The following ROBO1 variants were observed in gnomAD, a reference collection of about 807,000 sequenced individuals.
The protein encoded by ROBO1 is roundabout homolog 1.
ROBO1 carries 149 observed loss-of-function variants against 195.9 expected under a neutral mutation model. That is an observed-to-expected ratio of 0.76 (90% confidence interval 0.67 to 0.87). The LOEUF (loss-of-function observed/expected upper bound fraction) is 0.87, where lower values mean the gene tolerates loss of function less well. Among genes scored for constraint, ROBO1 ranks in the 40% least tolerant of loss-of-function variants. The probability of loss-of-function intolerance (pLI) is 0.00; values close to 1 mark genes in which losing one functional copy is unlikely to be tolerated. For missense variants in ROBO1, 1,933 were observed against 2,068.3 expected, an observed-to-expected ratio of 0.93 and a Z score of 1.27; for synonymous variants, 816 against 733.2, an observed-to-expected ratio of 1.11 and a Z score of -1.82.
intron 4 of ROBO1, among the ~76,000 whole-genome samples, chr3:78,887,539 G>C (rs113295764): frequency 8.5e-4 from 130 of 152,230 alleles, no homozygotes; most frequent in African/African-American, 2.9e-3. Context: ...ACATATTTCA[G>C]AAAAACAAAA....
At chr3:79,547,243 T>A (rs1434607221) in intron 2 of ROBO1, among the ~76,000 whole-genome samples, 2 of 137,618 alleles carry the variant, frequency 1.5e-5, no homozygotes, top group African/African-American at 5.4e-5. Flanking sequence ...AAACTGAAGC[T>A]GTTTAGAATA....
intron 4 of ROBO1, among the ~76,000 whole-genome samples, chr3:78,840,248 G>A (rs2033087288): frequency 6.6e-6 from 1 of 152,090 alleles, no homozygotes; most frequent in Admixed American, 6.6e-5. Flanking sequence ...AAAACAAAAT[G>A]CTGCGATTTG....
intron 4 of ROBO1, among the ~76,000 whole-genome samples, chr3:78,751,798 T>C (rs17016516): frequency 0.026 from 3,930 of 152,280 alleles, 88 homozygotes; most frequent in Middle Eastern, 0.065. Context: ...TTTTTATCAA[T>C]GCTTCCTTTT....
At chr3:79,093,075 C>G (rs193211398) in intron 3 of ROBO1, among the ~76,000 whole-genome samples, 1 of 152,224 alleles carries the variant, frequency 6.6e-6, no homozygotes, top group East Asian at 1.9e-4. Context: ...CACATGTGTA[C>G]TAATACATGC....
chr3:79,183,329 C>A (rs1475208949), intron 2 of ROBO1, among the ~76,000 whole-genome samples: 1 of 152,122 alleles, frequency 6.6e-6, no homozygotes, highest in Non-Finnish European at 1.5e-5. Context: ...AGAGGGAACT[C>A]TGGCAGTAGA....
At position 79,672,929 on chromosome 3, in the gene ROBO1, T is replaced by G. The variant is rs145825099; in HGVS notation, c.-50-82968A>C. Among the ~76,000 whole-genome samples, 498 of 152,084 alleles carry G rather than the reference T, an allele frequency of 3.3e-3. 1 individual carries two copies. The highest frequency in any genetic ancestry group is 6.0e-3 in the Non-Finnish European group (410 of 67,928). ...GATGTGGAAGCTCAGAGTGATAGCC[T>G]GTGGAACTCATCAAATAACTGATCT... On this transcript the variant is annotated intron_variant, in intron 1 of 30. Coordinates refer to ENST00000464233, the MANE Select transcript of ROBO1 (RefSeq NM_002941.4).
chr3:79,158,221 T>A (rs1003680009), intron 2 of ROBO1, among the ~76,000 whole-genome samples: 3 of 151,508 alleles, frequency 2.0e-5, no homozygotes, highest in African/African-American at 7.3e-5. Flanking sequence ...CTTTCAACAT[T>A]TTTCTGTAAT....
chr3:79,203,728 C>T (rs371718052), intron 2 of ROBO1, among the ~76,000 whole-genome samples: 2 of 152,092 alleles, frequency 1.3e-5, no homozygotes, highest in Admixed American at 6.6e-5. Flanking sequence ...CCACTATGTA[C>T]GTAACAGTTC....
chr3:79,292,287 G>C (rs376102597), intron 2 of ROBO1, among the ~76,000 whole-genome samples: 1 of 152,158 alleles, frequency 6.6e-6, no homozygotes, highest in Non-Finnish European at 1.5e-5. Context: ...CTGAGATGAT[G>C]GGGTTTTCTA....
chr3:78,696,809 A>G (rs1420673582), intron 8 of ROBO1, among the ~76,000 whole-genome samples: 4 of 150,900 alleles, frequency 2.7e-5, no homozygotes, highest in South Asian at 2.1e-4. Flanking sequence ...TTTTAAGAAT[A>G]TTTAGCTATA....
intron 1 of ROBO1, among the ~76,000 whole-genome samples, chr3:79,767,225 C>T (rs2107543998): frequency 6.6e-6 from 1 of 152,242 alleles, no homozygotes; most frequent in East Asian, 1.9e-4. Context: ...CGTGTCTATG[C>T]CTCAGTCAGC....
At chr3:79,721,482 A>T (rs560276275) in intron 1 of ROBO1, among the ~76,000 whole-genome samples, 1 of 152,198 alleles carries the variant, frequency 6.6e-6, no homozygotes, top group Non-Finnish European at 1.5e-5. Context: ...GGAAACTGTC[A>T]AACTTTCTGG....
At chr3:79,206,178 G>T (rs574109448) in intron 2 of ROBO1, among the ~76,000 whole-genome samples, 10 of 152,226 alleles carry the variant, frequency 6.6e-5, no homozygotes, top group Admixed American at 3.9e-4. Flanking sequence ...TAACCACATG[G>T]TATATGCTAC....
intron 2 of ROBO1, among the ~76,000 whole-genome samples, chr3:79,469,804 AC>A (rs907236530): frequency 5.9e-5 from 9 of 152,202 alleles, no homozygotes; most frequent in African/African-American, 2.2e-4. Flanking sequence ...GAAAGTTACA[AC>A]AATTTGAACT....
At chr3:79,700,835 T>C (rs1331466498) in intron 1 of ROBO1, among the ~76,000 whole-genome samples, 4 of 151,706 alleles carry the variant, frequency 2.6e-5, no homozygotes, top group African/African-American at 7.2e-5. Context: ...GTTAATGCTG[T>C]TTTTAGTTTC....
intron 4 of ROBO1, among the ~76,000 whole-genome samples, chr3:78,933,029 G>A (rs1441707973): frequency 2.0e-5 from 3 of 152,092 alleles, no homozygotes; most frequent in South Asian, 2.1e-4. Flanking sequence ...ACACTTCTGT[G>A]AGATTAAACA....
intron 2 of ROBO1, among the ~76,000 whole-genome samples, chr3:79,433,066 A>C (rs2038743658): frequency 6.6e-6 from 1 of 152,146 alleles, no homozygotes; most frequent in African/African-American, 2.4e-5. Flanking sequence ...ATGTGTGGGT[A>C]TGTTACATAG....
chr3:78,950,538 G>C (rs2040719357), intron 3 of ROBO1, among the ~76,000 whole-genome samples: 1 of 148,108 alleles, frequency 6.8e-6, no homozygotes, highest in Non-Finnish European at 1.5e-5. Flanking sequence ...GGAGGGATAA[G>C]CTTTAGGAGA....
intron 2 of ROBO1, among the ~76,000 whole-genome samples, chr3:79,194,973 C>G (rs1165035493): frequency 6.6e-6 from 1 of 151,562 alleles, no homozygotes; most frequent in Non-Finnish European, 1.5e-5. Flanking sequence ...CAATGCAGTG[C>G]TAAAGGATTA....
Sources: gnomAD v4.1 joint callset for allele counts (sites outside exome capture counted in the v4.1 genomes callset) on GRCh38, gnomAD v4.1.1 for gene constraint, MANE v1.5 for transcripts, NCBI Gene and HGNC (gene_info 2026-07-23, HGNC 2026-07-21) for gene names.